Variants in CLVS1 observed in about 807,000 individuals in gnomAD.
CLVS1 encodes clavesin 1.
A neutral mutation model predicts 33.1 loss-of-function variants in CLVS1; 10 were observed. That is an observed-to-expected ratio of 0.30 (90% CI 0.19 to 0.51). CLVS1 has a LOEUF of 0.51. Ranked by LOEUF, CLVS1 falls within the 20% of genes least tolerant of loss-of-function variation. The probability of loss-of-function intolerance (pLI) is 0.97; values close to 1 mark genes in which losing one functional copy is unlikely to be tolerated. For synonymous variants in CLVS1, 163 were observed against 166.1 expected (o/e 0.98, Z 0.14); for missense variants, 343 against 433.4 (o/e 0.79, Z 1.85).
chr8:61,375,596 A>G (rs62524927), intron 2 of CLVS1, among the ~76,000 whole-genome samples: 1 of 152,128 alleles, frequency 6.6e-6, no homozygotes, highest in Non-Finnish European at 1.5e-5. Flanking sequence ...ATCTGGAGTC[A>G]TTGGCTTTGA....
chr8:61,276,026 G>A (rs1050868637), intron 2 of CLVS1, among the ~76,000 whole-genome samples: 37 of 152,076 alleles, frequency 2.4e-4, no homozygotes, highest in African/African-American at 8.9e-4. Context: ...CATTAAAGGG[G>A]AAAAAAAGGT....
chr8:61,029,900 G>T, the CLVS1 span, among the ~76,000 whole-genome samples: 2 of 152,250 alleles, frequency 1.3e-5, no homozygotes, highest in South Asian at 2.1e-4. Flanking sequence ...GCTCCTACAC[G>T]TTGCGTCAGG....
intron 2 of CLVS1, chr8:61,202,851 TGAA>T (rs955976664): frequency 2.9e-5 from 28 of 978,846 alleles, no homozygotes; most frequent in Middle Eastern, 3.0e-4. Context: ...ATGATGATGA[TGAA>T]GAAGATGATG....
At chr8:61,480,825 G>A (rs924377546) in intron 5 of CLVS1, among the ~76,000 whole-genome samples, 16 of 152,222 alleles carry the variant, frequency 1.1e-4, no homozygotes, top group African/African-American at 3.1e-4. Context: ...TGCCTTGGGG[G>A]AAACATTGAA....
At chr8:61,324,996 T>C (rs891081124) in intron 2 of CLVS1, among the ~76,000 whole-genome samples, 4 of 152,178 alleles carry the variant, frequency 2.6e-5, no homozygotes, top group Non-Finnish European at 5.9e-5. Flanking sequence ...CAGCAGCTCC[T>C]AGCTCTCAAC....
chr8:61,085,077 A>G (rs1805094171), intron 1 of CLVS1, among the ~76,000 whole-genome samples: 1 of 152,234 alleles, frequency 6.6e-6, no homozygotes. Context: ...AAAGGGATTG[A>G]GCAGCAACTT....
At chr8:61,365,391 G>A (rs1475425761) in intron 2 of CLVS1, among the ~76,000 whole-genome samples, 1 of 152,148 alleles carries the variant, frequency 6.6e-6, no homozygotes, top group Non-Finnish European at 1.5e-5. Flanking sequence ...GCTGGGTGTG[G>A]TGGTGGGTGC....
At chr8:61,053,486 G>T (rs1193812678), upstream of CLVS1, among the ~76,000 whole-genome samples, 1 of 152,206 alleles carries the variant, frequency 6.6e-6, no homozygotes, top group African/African-American at 2.4e-5. Context: ...GGTCTAAAAC[G>T]ACAGTTGGGC....
chr8:61,337,364 C>G (rs2129597830), intron 2 of CLVS1, among the ~76,000 whole-genome samples: 1 of 152,194 alleles, frequency 6.6e-6, no homozygotes, highest in South Asian at 2.1e-4. Flanking sequence ...ACTTTCAGTT[C>G]ATATTTACCC....
chr8:61,128,060 G>T (rs1806008924), intron 1 of CLVS1, among the ~76,000 whole-genome samples: 1 of 152,216 alleles, frequency 6.6e-6, no homozygotes, highest in Non-Finnish European at 1.5e-5. Flanking sequence ...AGCTGCCATG[G>T]AGTGTTCAGT....
chr8:61,273,874 G>A (rs1809512993), intron 2 of CLVS1: 1 of 157,394 alleles, frequency 6.4e-6, no homozygotes, highest in Non-Finnish European at 1.4e-5. Context: ...CGCACCCACT[G>A]ACCTGCACCC....
At chr8:60,966,533 G>T in the CLVS1 span, 1 of 362,330 alleles carries the variant, frequency 2.8e-6, no homozygotes, top group African/African-American at 2.1e-5. Context: ...ATATGCCAGA[G>T]AAACTCTTGC....
At position 61,357,489 on chromosome 8, in the gene CLVS1, C is replaced by CTTTTTTTTTTTTTTTTTTTTTTTT. The variant is rs1462908906; in HGVS notation, c.456-19112_456-19111insTTTTTTTTTTTTTTTTTTTTTTTT. Among the ~76,000 whole-genome samples the CTTTTTTTTTTTTTTTTTTTTTTTT allele has an allele frequency of 1.3e-4, 4 of 30,268 alleles. 1 individual carries two copies. The East Asian group carries it at 2.9e-3, about 22-fold the overall frequency. 19.9% of individuals were successfully genotyped at this position (30,268 alleles called of 152,430 possible). On this transcript the variant is annotated intron_variant, in intron 2 of 5. Transcript: ENST00000325897. ...TTTTCCTTCTTTTTCTTTCCTTTTT[C>CTTTTTTTTTTTTTTTTTTTTTTTT]TTTTCTTTTTTTTTTTTTTTTTTTT...
intron 2 of CLVS1, among the ~76,000 whole-genome samples, chr8:61,220,089 T>C (rs1421163549): frequency 6.6e-6 from 1 of 152,218 alleles, no homozygotes; most frequent in Non-Finnish European, 1.5e-5. Flanking sequence ...TCCCATTGCA[T>C]TTCTCCCATT....
chr8:61,007,045 G>C, the CLVS1 span, among the ~76,000 whole-genome samples: 1 of 152,204 alleles, frequency 6.6e-6, no homozygotes, highest in Non-Finnish European at 1.5e-5. Context: ...GTTTGATTCA[G>C]TAATGTATAA....
At chr8:61,463,523 A>C (rs1460676958) in intron 5 of CLVS1, among the ~76,000 whole-genome samples, 6 of 152,152 alleles carry the variant, frequency 3.9e-5, no homozygotes, top group Non-Finnish European at 7.3e-5. Context: ...TCACTTAAAC[A>C]CTTAGAAGCC....
At chr8:61,035,186 TC>T in the CLVS1 span, among the ~76,000 whole-genome samples, 10 of 91,336 alleles carry the variant, frequency 1.1e-4, no homozygotes, top group Non-Finnish European at 2.2e-4. Context: ...TTTTCTTTTT[TC>T]TTTTTTTTTT....
intron 3 of CLVS1, among the ~76,000 whole-genome samples, chr8:61,405,319 A>C (rs1007925176): frequency 6.6e-6 from 1 of 152,206 alleles, no homozygotes; most frequent in Admixed American, 6.5e-5. Context: ...CCCTTTAGTC[A>C]TTCTTTCACA....
the CLVS1 span, among the ~76,000 whole-genome samples, chr8:60,996,637 C>G: frequency 2.6e-5 from 4 of 152,194 alleles, no homozygotes; most frequent in Non-Finnish European, 4.4e-5. Context: ...TCCCAGGTTC[C>G]CAGGTGACGA....
Sources: gnomAD v4.1 joint callset for allele counts (sites outside exome capture counted in the v4.1 genomes callset) on GRCh38, gnomAD v4.1.1 for gene constraint, MANE v1.5 for transcripts, NCBI Gene and HGNC (gene_info 2026-07-23, HGNC 2026-07-21) for gene names.